PKN2: variants seen among roughly 807,000 people sequenced by gnomAD.
The protein encoded by PKN2 is serine/threonine-protein kinase N2.
A neutral mutation model predicts 119.1 loss-of-function variants in PKN2; 38 were observed. That is an observed-to-expected ratio of 0.32 (90% CI 0.25 to 0.42). The LOEUF (loss-of-function observed/expected upper bound fraction) is 0.42. Ranked by LOEUF, PKN2 falls within the 10% of genes least tolerant of loss-of-function variation. The probability of loss-of-function intolerance (pLI) is 1.00; values close to 1 mark genes in which losing one functional copy is unlikely to be tolerated. For synonymous variants in PKN2, 390 were observed against 384.9 expected (o/e 1.01, Z -0.15); for missense variants, 850 against 1,165.1 (o/e 0.73, Z 3.94).
chr1:88,768,187 CT>C (rs974839355), intron 3 of PKN2, among the ~76,000 whole-genome samples: 2 of 152,144 alleles, frequency 1.3e-5, no homozygotes, highest in Non-Finnish European at 2.9e-5. Flanking sequence ...TCTGATATTT[CT>C]TTTTAAAATT....
intron 2 of PKN2, among the ~76,000 whole-genome samples, chr1:88,758,763 A>G (rs1570587483): frequency 6.6e-6 from 1 of 151,788 alleles, no homozygotes; most frequent in Admixed American, 6.6e-5. Context: ...TGTGTGTATC[A>G]CATTTTCTTT....
At chr1:88,831,131 G>C (rs11800411) in intron 19 of PKN2, among the ~76,000 whole-genome samples, 10,134 of 151,762 alleles carry the variant, frequency 0.067, 689 homozygotes, top group African/African-American at 0.18. Context: ...TGCTGGACAT[G>C]GTTTTAGATA....
chr1:88,814,042 C>T (rs2100896700), intron 16 of PKN2, among the ~76,000 whole-genome samples: 1 of 151,532 alleles, frequency 6.6e-6, no homozygotes, highest in Middle Eastern at 3.4e-3. Flanking sequence ...AGAATTACAG[C>T]TTTAAAGACA....
intron 6 of PKN2, among the ~76,000 whole-genome samples, chr1:88,776,644 G>A (rs1219279429): frequency 1.3e-5 from 2 of 152,078 alleles, no homozygotes; most frequent in East Asian, 3.9e-4. Flanking sequence ...GGAGGCTGGG[G>A]CAGGAGAATC....
At chr1:88,779,524 A>G (rs945884240) in intron 6 of PKN2, among the ~76,000 whole-genome samples, 20 of 151,848 alleles carry the variant, frequency 1.3e-4, no homozygotes, top group African/African-American at 2.4e-5. Context: ...TCTGTACCAC[A>G]TGAGGACCTT....
chr1:88,745,864 A>G (rs578077189), intron 2 of PKN2, among the ~76,000 whole-genome samples: 4 of 152,296 alleles, frequency 2.6e-5, no homozygotes, highest in East Asian at 1.9e-4. Flanking sequence ...CAGCATCATA[A>G]TGACATAAAA....
rs79090986 is a variant in PKN2, at chr1:88,815,388, A to G, written c.2279+1655A>G. The G allele has an allele frequency of 2.5e-3, 755 of 299,366 alleles. 1 individual carries two copies. Among genetic ancestry groups the G allele is most frequent in the African/African-American group, 0.016 (697 of 43,118 alleles). 18.5% of individuals were successfully genotyped at this position (299,366 alleles called of 1,614,324 possible). On this transcript the variant is annotated intron_variant, in intron 16 of 21. Transcript: ENST00000370521. ...TAATTTTCTGAGTTCCCTAGCTAAA[A>G]TATCACATCACTAACCAATTCAGTT...
chr1:88,829,207 G>A lies in PKN2; in HGVS notation c.2562+584G>A, dbSNP rs148055083. On this transcript the variant is annotated intron_variant, in intron 19 of 21. Coordinates refer to ENST00000370521, the MANE Select transcript of PKN2 (RefSeq NM_006256.4). ...CATGAATTTATTGTAAAAACAGAACGTACATTAACATCAGCACGATAAAAG... is the reference window on the plus strand; with the variant it reads ...CATGAATTTATTGTAAAAACAGAACATACATTAACATCAGCACGATAAAAG... The A allele has an allele frequency of 8.2e-3, 6,025 of 732,020 alleles. 54 individuals are homozygous for A. The highest frequency in any genetic ancestry group is 9.9e-3 in the Non-Finnish European group (3,836 of 386,456). The allele number at this position is 732,020 out of a possible 1,614,324, so 45.3% of individuals were successfully genotyped here. A position where few individuals can be genotyped will look rare whatever the true frequency, so the allele number is the denominator to read the frequency against.
At chr1:88,775,009 T>A (rs749122832) in intron 6 of PKN2, among the ~76,000 whole-genome samples, 2 of 152,184 alleles carry the variant, frequency 1.3e-5, no homozygotes, top group African/African-American at 2.4e-5. Context: ...ATGCCCAGCC[T>A]CTATTCTTAC....
At chr1:88,824,008 CAAAA>C (rs3061489) in intron 17 of PKN2, among the ~76,000 whole-genome samples, 3 of 117,068 alleles carry the variant, frequency 2.6e-5, no homozygotes, top group Admixed American at 1.9e-4. Flanking sequence ...GACTCTGTCT[CAAAA>C]AAAAAAAAAA....
At chr1:88,707,285 A>G (rs1024043454) in intron 1 of PKN2, among the ~76,000 whole-genome samples, 3 of 152,112 alleles carry the variant, frequency 2.0e-5, no homozygotes, top group African/African-American at 7.2e-5. Flanking sequence ...CTTGCTGTAC[A>G]GAGGAAAATG....
chr1:88,707,186 T>C (rs1263196563), intron 1 of PKN2, among the ~76,000 whole-genome samples: 1 of 152,104 alleles, frequency 6.6e-6, no homozygotes, highest in Non-Finnish European at 1.5e-5. Context: ...TTCTGCAAAA[T>C]TTACATTGTA....
intron 1 of PKN2, among the ~76,000 whole-genome samples, chr1:88,717,944 G>T (rs1667522726): frequency 1.3e-5 from 2 of 152,196 alleles, no homozygotes; most frequent in South Asian, 4.1e-4. Flanking sequence ...ATCTACCTTT[G>T]GTCTTTGATG....
chr1:88,765,515 G>T (rs570420876), intron 3 of PKN2, among the ~76,000 whole-genome samples: 1 of 152,118 alleles, frequency 6.6e-6, no homozygotes, highest in Non-Finnish European at 1.5e-5. Context: ...CACATATTTA[G>T]TTATACATTT....
At chr1:88,813,775 G>A (rs147063915) in intron 16 of PKN2, 42 bp downstream of exon 16, 1 of 1,435,664 alleles carries the variant, frequency 7.0e-7, no homozygotes, top group Non-Finnish European at 9.4e-7. Flanking sequence ...TTCCATGACT[G>A]ATTTCATTCT....
At chr1:88,751,944 G>T (rs1057281996) in intron 2 of PKN2, among the ~76,000 whole-genome samples, 1 of 152,164 alleles carries the variant, frequency 6.6e-6, no homozygotes, top group Non-Finnish European at 1.5e-5. Context: ...TTGAAGCCAT[G>T]TAGATCATCT....
chr1:88,716,815 G>A (rs1208343591), intron 1 of PKN2, among the ~76,000 whole-genome samples: 1 of 152,122 alleles, frequency 6.6e-6, no homozygotes, highest in African/African-American at 2.4e-5. Flanking sequence ...ATATTGTTAT[G>A]TGTGAATTTG....
chr1:88,697,502 C>A (rs1279143791), intron 1 of PKN2, among the ~76,000 whole-genome samples: 2 of 152,084 alleles, frequency 1.3e-5, no homozygotes, highest in Non-Finnish European at 2.9e-5. Context: ...TAAGTGTGGG[C>A]CTTCATTATC....
intron 1 of PKN2, among the ~76,000 whole-genome samples, chr1:88,722,969 G>C (rs888710493): frequency 2.0e-5 from 3 of 152,078 alleles, no homozygotes; most frequent in African/African-American, 7.2e-5. Context: ...AATGTACTGT[G>C]GGTCACCTGG....
Sources: allele counts gnomAD v4.1 joint callset (sites outside exome capture counted in the v4.1 genomes callset), GRCh38; gene constraint gnomAD v4.1.1; transcripts MANE v1.5; gene names NCBI Gene and HGNC (gene_info 2026-07-23, HGNC 2026-07-21).